Variants in RAD51B observed in about 807,000 individuals in gnomAD.
RAD51B encodes DNA repair protein RAD51 homolog 2.
A neutral mutation model predicts 42.2 loss-of-function variants in RAD51B; 38 were observed. The ratio of observed to expected loss-of-function variants is 0.90; its 90% CI spans 0.70 to 1.18. RAD51B has a LOEUF of 1.18. Among genes scored for constraint, RAD51B ranks in the 50% most tolerant of loss-of-function variants. The probability of loss-of-function intolerance (pLI) is 0.00; values close to 1 mark genes in which losing one functional copy is unlikely to be tolerated. For synonymous variants in RAD51B, 154 were observed against 145.2 expected (o/e 1.06, Z -0.43); for missense variants, 373 against 400.7 (o/e 0.93, Z 0.59).
chr14:68,151,386 C>G, intron 7 of RAD51B, among the ~76,000 whole-genome samples: 1 of 151,450 alleles, frequency 6.6e-6, no homozygotes, highest in East Asian at 1.9e-4. Context: ...GCCTTTGTGT[C>G]CTTTTCTTTG....
chr14:68,338,443 G>T (rs1055752913), intron 8 of RAD51B, among the ~76,000 whole-genome samples: 1 of 152,112 alleles, frequency 6.6e-6, no homozygotes, highest in African/African-American at 2.4e-5. Flanking sequence ...ACATTTGTAC[G>T]TCCTTAGTTC....
chr14:68,063,303 G>A lies in RAD51B; in HGVS notation c.756+176099G>A, dbSNP rs753005323. ...TCTTGGCCAAATCTCATGTTGAATT[G>A]TAATCCCCAGTGTTGGAGGTGGGGC... On this transcript the variant is annotated intron_variant, in intron 7 of 10. Transcript: ENST00000471583. Among the ~76,000 whole-genome samples, 108 of 152,104 alleles carry A rather than the reference G, an allele frequency of 7.1e-4. 1 individual carries two copies. The highest frequency in any genetic ancestry group is 1.3e-3 in the Non-Finnish European group (91 of 67,984).
chr14:67,936,995 T>C (rs907288353), intron 7 of RAD51B, among the ~76,000 whole-genome samples: 2 of 152,214 alleles, frequency 1.3e-5, no homozygotes, highest in African/African-American at 4.8e-5. Context: ...AGATATTTGA[T>C]TTTCAAATAT....
chr14:68,346,041 C>A (rs1455212251), intron 8 of RAD51B, among the ~76,000 whole-genome samples: 1 of 152,152 alleles, frequency 6.6e-6, no homozygotes, highest in Non-Finnish European at 1.5e-5. Flanking sequence ...TTAATAGTTC[C>A]CTCAAACCTC....
chr14:68,574,005 T>TGTGTGTGTGC (rs1889843559), intron 10 of RAD51B, among the ~76,000 whole-genome samples: 1 of 144,350 alleles, frequency 6.9e-6, no homozygotes, highest in African/African-American at 2.6e-5. Context: ...TGTGTGTGTG[T>TGTGTGTGTGC]GCTCACTCAC....
intron 8 of RAD51B, among the ~76,000 whole-genome samples, chr14:68,380,331 C>T (rs749590161): frequency 4.6e-5 from 7 of 152,184 alleles, no homozygotes; most frequent in Non-Finnish European, 1.0e-4. Context: ...ATTCACCCAG[C>T]CAAACTGAAA....
At chr14:68,030,507 T>G (rs2076024622) in intron 7 of RAD51B, among the ~76,000 whole-genome samples, 1 of 152,196 alleles carries the variant, frequency 6.6e-6, no homozygotes, top group Admixed American at 6.5e-5. Context: ...CCTACATTTC[T>G]TCTGCAGCTT....
intron 9 of RAD51B, among the ~76,000 whole-genome samples, chr14:68,444,033 A>G (rs1255341480): frequency 6.6e-6 from 1 of 152,160 alleles, no homozygotes; most frequent in African/African-American, 2.4e-5. Context: ...AGTGCCTAGA[A>G]CTTTTCAGCC....
intron 8 of RAD51B, among the ~76,000 whole-genome samples, chr14:68,360,869 G>A (rs117694775): frequency 2.5e-4 from 38 of 152,304 alleles, no homozygotes; most frequent in Non-Finnish European, 5.3e-4. Flanking sequence ...ACAAAAAAGG[G>A]TCTGATCTAA....
intron 9 of RAD51B, among the ~76,000 whole-genome samples, chr14:68,454,118 C>T (rs1002970338): frequency 2.6e-5 from 4 of 152,268 alleles, no homozygotes; most frequent in Admixed American, 6.5e-5. Context: ...AAATCATTTG[C>T]TGTTTTCAAT....
At chr14:67,988,751 T>A (rs556321205) in intron 7 of RAD51B, among the ~76,000 whole-genome samples, 46 of 152,340 alleles carry the variant, frequency 3.0e-4, no homozygotes, top group Non-Finnish European at 5.6e-4. Flanking sequence ...CCCTGCAGTA[T>A]TAAAAGTGCT....
At chr14:68,368,036 G>A (rs975248696) in intron 8 of RAD51B, among the ~76,000 whole-genome samples, 7 of 152,284 alleles carry the variant, frequency 4.6e-5, no homozygotes, top group Middle Eastern at 3.4e-3. Context: ...AAAAGAATTA[G>A]CAGAATTCTG....
chr14:68,445,383 A>G (rs1353944740), intron 9 of RAD51B, among the ~76,000 whole-genome samples: 2 of 152,200 alleles, frequency 1.3e-5, no homozygotes, highest in Non-Finnish European at 2.9e-5. Context: ...AACAACAACG[A>G]CAGTAACAAT....
intron 7 of RAD51B, among the ~76,000 whole-genome samples, chr14:68,253,363 T>C (rs2080681983): frequency 6.6e-6 from 1 of 152,180 alleles, no homozygotes; most frequent in South Asian, 2.1e-4. Flanking sequence ...TTCTGTATGT[T>C]GTGTTTTGTC....
At chr14:68,645,514 A>T (rs1418003725) in intron 10 of RAD51B, among the ~76,000 whole-genome samples, 1 of 152,242 alleles carries the variant, frequency 6.6e-6, no homozygotes, top group Non-Finnish European at 1.5e-5. Flanking sequence ...GTATGTACCC[A>T]GAAGTGGAAT....
At chr14:68,526,579 A>G (rs1277599083) in intron 10 of RAD51B, among the ~76,000 whole-genome samples, 1 of 152,212 alleles carries the variant, frequency 6.6e-6, no homozygotes, top group Non-Finnish European at 1.5e-5. Context: ...TCACAGCCAG[A>G]TGAGTGATTG....
intron 8 of RAD51B, among the ~76,000 whole-genome samples, chr14:68,333,300 G>A (rs2082384826): frequency 6.6e-6 from 1 of 152,136 alleles, no homozygotes; most frequent in Non-Finnish European, 1.5e-5. Context: ...AGAAACCTGG[G>A]CATTCAACTT....
intron 10 of RAD51B, among the ~76,000 whole-genome samples, chr14:68,649,369 G>T (rs1381465567): frequency 2.0e-5 from 3 of 152,178 alleles, no homozygotes; most frequent in Admixed American, 6.5e-5. Flanking sequence ...TCTCCTGGGG[G>T]CTTTATGTTC....
chr14:67,873,848 A>G (rs2042631066), intron 5 of RAD51B, among the ~76,000 whole-genome samples: 1 of 146,636 alleles, frequency 6.8e-6, no homozygotes, highest in African/African-American at 2.5e-5. Context: ...ACAAAAAACC[A>G]GACACTGCAT....
Sources: allele counts gnomAD v4.1 joint callset (sites outside exome capture counted in the v4.1 genomes callset), GRCh38; gene constraint gnomAD v4.1.1; transcripts MANE v1.5; gene names NCBI Gene and HGNC (gene_info 2026-07-23, HGNC 2026-07-21).